Variants in ZFC3H1 observed in about 807,000 individuals in gnomAD.
ZFC3H1 encodes the protein zinc finger C3H1 domain-containing protein.
In ZFC3H1, 71 loss-of-function variants were observed where a neutral mutation model predicts 243.7. The observed-to-expected ratio is 0.29, with a 90% CI of 0.24 to 0.36. ZFC3H1 has a LOEUF of 0.36. ZFC3H1 is among the 10% of genes least tolerant of loss of function. The pLI, the probability that ZFC3H1 is intolerant of heterozygous loss-of-function variation, is 1.00. For synonymous variants in ZFC3H1, 838 were observed against 813.0 expected, an observed-to-expected ratio of 1.03 and a Z score of -0.52; for missense variants, 1,966 against 2,317.1, an observed-to-expected ratio of 0.85 and a Z score of 3.11.
chr12:71,659,106 C>T (rs570591867), intron 1 of ZFC3H1, among the ~76,000 whole-genome samples: 3 of 152,238 alleles, frequency 2.0e-5, no homozygotes, highest in Non-Finnish European at 4.4e-5. Context: ...AATAATGGTG[C>T]TCTTCAGGGA....
At chr12:71,631,616 C>G (rs1338081523) in intron 16 of ZFC3H1, among the ~76,000 whole-genome samples, 162 bp downstream of exon 16, 1 of 152,026 alleles carries the variant, frequency 6.6e-6, no homozygotes, top group Non-Finnish European at 1.5e-5. Context: ...GGTTTGAGCC[C>G]AACGGCAGGA....
intron 24 of ZFC3H1, 53 bp downstream of exon 24, chr12:71,623,307 T>C: frequency 7.1e-7 from 1 of 1,412,964 alleles, no homozygotes; most frequent in Non-Finnish European, 9.5e-7. Flanking sequence ...GTTAATGTTC[T>C]AAACACTGAT....
At chr12:71,652,346 A>G (rs1335564831) in intron 2 of ZFC3H1, among the ~76,000 whole-genome samples, 1 of 152,206 alleles carries the variant, frequency 6.6e-6, no homozygotes, top group African/African-American at 2.4e-5. Flanking sequence ...CCAACGTTTA[A>G]AAGACAAAAT....
chr12:71,637,142 AAAAT>A, intron 7 of ZFC3H1, 83 bp from the exon 8 acceptor site: 1 of 1,176,462 alleles, frequency 8.5e-7, no homozygotes, highest in Non-Finnish European at 1.2e-6. Context: ...AAACTAGAAA[AAAAT>A]AAACTTTACA....
At chr12:71,620,340 T>C in intron 24 of ZFC3H1, 25 bp from the exon 25 acceptor site, 1 of 1,606,806 alleles carries the variant, frequency 6.2e-7, no homozygotes, top group Non-Finnish European at 8.5e-7. Context: ...CACAACAACA[T>C]GAATCACGTC....
chr12:71,636,461 T>C (rs1880463861), intron 9 of ZFC3H1, 29 bp downstream of exon 9: 6 of 1,582,850 alleles, frequency 3.8e-6, no homozygotes, highest in South Asian at 2.3e-5. Context: ...ACTGTTTGAA[T>C]AAAAGTAGCA....
chr12:71,639,131 A>C (rs1880538767), intron 6 of ZFC3H1, among the ~76,000 whole-genome samples: 1 of 149,568 alleles, frequency 6.7e-6, no homozygotes, highest in East Asian at 1.9e-4. Flanking sequence ...AGATAAAAAT[A>C]ATTGTGTATT....
intron 34 of ZFC3H1, 51 bp from the exon 35 acceptor site, chr12:71,610,616 T>C (rs749479655): frequency 1.2e-6 from 2 of 1,612,258 alleles, no homozygotes; most frequent in African/African-American, 1.3e-5. Context: ...AGTTTGAGCA[T>C]TACCACATCA....
At chr12:71,620,152 A>C (rs1476648395) in intron 25 of ZFC3H1, 28 bp from the exon 26 acceptor site, 3 of 1,609,388 alleles carry the variant, frequency 1.9e-6, no homozygotes, top group Non-Finnish European at 1.7e-6. Context: ...AAAAAGGCTA[A>C]AGACATGAAA....
chr12:71,663,751 A>G lies in ZFC3H1; in HGVS notation c.-141T>C, dbSNP rs565982602. The G allele has an allele frequency of 3.2e-6, 3 of 934,854 alleles. No individual in the cohort carries two copies. Among genetic ancestry groups the G allele is most frequent in the African/African-American group, 1.7e-5 (1 of 60,524 alleles). The allele number at this position is 934,854 out of a possible 1,614,324, so 57.9% of individuals were successfully genotyped here. On this transcript the variant is annotated 5_prime_UTR_variant, in exon 1 of 35. Transcript: ENST00000378743. ...GACACCAAGCGGCCTCTGCTCCCCAACTTCCCCGCACCCCAGCACCCCAGC... is the reference window on the plus strand; with the variant it reads ...GACACCAAGCGGCCTCTGCTCCCCAGCTTCCCCGCACCCCAGCACCCCAGC...
intron 2 of ZFC3H1, among the ~76,000 whole-genome samples, chr12:71,649,272 A>G (rs998549978): frequency 2.6e-5 from 4 of 152,176 alleles, no homozygotes; most frequent in African/African-American, 9.7e-5. Flanking sequence ...CAAATACCCA[A>G]GTTCATTGCG....
At chr12:71,647,041 T>C (rs1194726474) in intron 3 of ZFC3H1, among the ~76,000 whole-genome samples, 3 of 152,224 alleles carry the variant, frequency 2.0e-5, no homozygotes, top group Non-Finnish European at 2.9e-5. Flanking sequence ...TTAAAAAATG[T>C]GTATGTGTAC....
chr12:71,635,620 G>C (rs373327793), intron 9 of ZFC3H1, 40 bp from the exon 10 acceptor site: 4 of 1,495,888 alleles, frequency 2.7e-6, no homozygotes, highest in African/African-American at 1.5e-5. Flanking sequence ...ATAACAAAAG[G>C]ATGTCATTTA....
intron 2 of ZFC3H1, among the ~76,000 whole-genome samples, chr12:71,653,790 C>T (rs571791559): frequency 1.3e-5 from 2 of 152,078 alleles, no homozygotes; most frequent in Non-Finnish European, 2.9e-5. Context: ...CCAAGGCAGG[C>T]GGATCACTTC....
chr12:71,631,291 A>G (rs1265635121), intron 16 of ZFC3H1, among the ~76,000 whole-genome samples: 9 of 152,222 alleles, frequency 5.9e-5, no homozygotes, highest in African/African-American at 1.7e-4. Flanking sequence ...GAAAAAGTCT[A>G]TATTACCTGG....
chr12:71,611,851 C>A lies in ZFC3H1; in HGVS notation c.5664G>T (p.Gln1888His). Residue 1888 changes from glutamine (Q) to histidine (H), a missense_variant, in exon 32 of 35, where the codon CAG becomes CAT. Coordinates refer to ENST00000378743, the MANE Select transcript of ZFC3H1 (RefSeq NM_144982.5). The stretch of plus-strand genomic sequence containing the variant: ...ACATCTTGGCTTGAAGTTTCAGAAT[C>A]TGAACATTGCTTTCTTCCCATTCAT... Reference protein sequence around the residue: ...LQHEWEESNVQILKLQAKMFT... With the variant: ...LQHEWEESNVHILKLQAKMFT... 6.2e-7 allele frequency: 1 copy of A among 1,606,632 alleles called. No homozygotes were observed. The highest frequency in any genetic ancestry group is 1.1e-5 in the South Asian group (1 of 90,468).
intron 21 of ZFC3H1, among the ~76,000 whole-genome samples, chr12:71,627,119 A>G: frequency 1.9e-5 from 2 of 103,754 alleles, no homozygotes; most frequent in Middle Eastern, 0.013. Flanking sequence ...TATTTCAAAG[A>G]AACGTGTAAA....
rs780265420 is a variant in ZFC3H1, at chr12:71,626,346, A to G, written c.4231T>C (p.Phe1411Leu). 1 of 1,614,070 alleles carries G rather than the reference A, an allele frequency of 6.2e-7. No homozygotes were observed. The highest frequency in any genetic ancestry group is 8.5e-7 in the Non-Finnish European group (1 of 1,180,008). Residue 1411 changes from phenylalanine to leucine, a missense_variant, in exon 22 of 35, where the codon TTC becomes CTC. Coordinates refer to ENST00000378743, the MANE Select transcript of ZFC3H1 (RefSeq NM_144982.5). ...TCGTCCTTGGTTCCTCTTTTTGAGAACAATCTGAGGTAATGGCACCAAATT... is the reference window on the plus strand; with the variant it reads ...TCGTCCTTGGTTCCTCTTTTTGAGAGCAATCTGAGGTAATGGCACCAAATT... ...PEIWCHYLRL[F>L]SKRGTKDEVQ...
Position 71,634,272 on chromosome 12 carries a change from T to C in ZFC3H1, c.2393A>G (p.Gln798Arg). The part of the protein sequence containing the change: ...REKQRLIKSD[Q>R]LKTSSSSPAN... ...TGGGGATGATGAACTTGTCTTCAGC[T>C]GATCTGATTTAATCAAACGCTGTTT... is the stretch of plus-strand genomic sequence containing the variant. The change falls in exon 12 of 35, where the codon CAG (glutamine) becomes CGG (arginine). Residue 798 changes from glutamine to arginine, a missense_variant. Physicochemically the swap from Gln to Arg is conservative, Grantham distance 43. This residue lies in a region of ZFC3H1 where 1,383 missense variants were observed against 1,723.7 expected (regional missense o/e 0.80). Transcript: ENST00000378743. 1 of 1,614,060 alleles carries C rather than the reference T, an allele frequency of 6.2e-7. No homozygotes were observed. Among genetic ancestry groups the C allele is most frequent in the Admixed American group, 1.7e-5 (1 of 60,016 alleles).
Sources: allele counts gnomAD v4.1 joint callset (sites outside exome capture counted in the v4.1 genomes callset), GRCh38; gene constraint gnomAD v4.1.1; regional missense constraint gnomAD v4.1.1; transcripts MANE v1.5; gene names NCBI Gene and HGNC (gene_info 2026-07-23, HGNC 2026-07-21).